PCDHA5: variants seen among roughly 807,000 people sequenced by gnomAD.
PCDHA5 encodes protocadherin alpha-5.
A neutral mutation model predicts 61.6 loss-of-function variants in PCDHA5; 43 were observed. The observed-to-expected ratio is 0.70, with a 90% CI of 0.55 to 0.90. The LOEUF is 0.90. Among genes scored for constraint, PCDHA5 ranks in the 40% least tolerant of loss-of-function variants. The pLI is 0.00. For synonymous variants in PCDHA5, 627 were observed against 543.9 expected, an observed-to-expected ratio of 1.15 and a Z score of -2.13; for missense variants, 1,298 against 1,222.7, an observed-to-expected ratio of 1.06 and a Z score of -0.92.
intron 1 of PCDHA5, chr5:140,928,757 G>A (rs372744198): frequency 6.2e-7 from 1 of 1,613,974 alleles, no homozygotes; most frequent in African/African-American, 1.3e-5. Flanking sequence ...CGTACTGCTC[G>A]CTTAGTTCTT....
rs377181493 is a variant in PCDHA5 at position 140,823,086 on chromosome 5, C to A, written c.1311C>A (p.Thr437=). The A allele has an allele frequency of 1.2e-6, 2 of 1,613,884 alleles. No individual in the cohort carries two copies. The highest frequency in any genetic ancestry group is 2.7e-5 in the African/African-American group (2 of 74,946). Residue 437 remains threonine, a synonymous_variant, in exon 1 of 4, where the codon ACC becomes ACA. Coordinates refer to ENST00000529859, the MANE Select transcript of PCDHA5 (RefSeq NM_018908.3). ...GGGGCTCGCCTTCGCTGTGGGCCAC[C>A]GCCAGCGTGTCTGTGGAAGTGGCCG... ...RDGGSPSLWA[T]ASVSVEVADV... is the part of the protein sequence containing the mutation.
At chr5:140,977,043 T>G (rs2096743110) in intron 1 of PCDHA5, among the ~76,000 whole-genome samples, 1 of 152,226 alleles carries the variant, frequency 6.6e-6, no homozygotes. Flanking sequence ...AGGATGTTGT[T>G]GCTGATGGAC....
chr5:140,884,734 C>A (rs1198575388), intron 1 of PCDHA5: 5 of 1,445,332 alleles, frequency 3.5e-6, no homozygotes, highest in Non-Finnish European at 4.6e-6. Flanking sequence ...TTTAAGACAT[C>A]TTTCCTGCCA....
intron 1 of PCDHA5, chr5:140,863,859 G>A (rs1448688968): frequency 1.7e-5 from 3 of 176,552 alleles, no homozygotes; most frequent in African/African-American, 4.8e-5. Flanking sequence ...AAATTAGCTG[G>A]GTGTGGTGGT....
At chr5:140,932,287 T>C (rs1259585245) in intron 1 of PCDHA5, among the ~76,000 whole-genome samples, 2 of 151,896 alleles carry the variant, frequency 1.3e-5, no homozygotes, top group Admixed American at 6.6e-5. Context: ...AAAAACTGCA[T>C]TGACAATTTT....
chr5:141,005,475 G>A (rs1011400158), intron 3 of PCDHA5, among the ~76,000 whole-genome samples: 8 of 151,670 alleles, frequency 5.3e-5, no homozygotes, highest in African/African-American at 1.9e-4. Flanking sequence ...AGGCCGAGAC[G>A]GGCGGATCAT....
At chr5:140,938,907 A>T (rs2092260332) in intron 1 of PCDHA5, among the ~76,000 whole-genome samples, 1 of 152,090 alleles carries the variant, frequency 6.6e-6, no homozygotes, top group Non-Finnish European at 1.5e-5. Context: ...GCACACACAC[A>T]CACGCACAAG....
chr5:140,839,737 C>T (rs1554137559), intron 1 of PCDHA5, among the ~76,000 whole-genome samples: 1 of 151,964 alleles, frequency 6.6e-6, no homozygotes, highest in Non-Finnish European at 1.5e-5. Flanking sequence ...AGAAAATACC[C>T]TTATTTGCCT....
intron 1 of PCDHA5, among the ~76,000 whole-genome samples, chr5:140,936,741 C>T (rs1234099505): frequency 3.3e-5 from 5 of 152,138 alleles, no homozygotes; most frequent in African/African-American, 1.2e-4. Flanking sequence ...AGTAACTTTT[C>T]ATTTGTATTG....
rs1451807345 is a variant in PCDHA5, at chr5:140,860,140, T to A, written c.2352+36013T>A. 3 of 150,428 alleles carry A rather than the reference T, an allele frequency of 2.0e-5. No homozygotes were observed. The South Asian group carries it at 6.2e-4, about 31-fold the overall frequency. 9.3% of individuals were successfully genotyped at this position (150,428 alleles called of 1,614,324 possible). On this transcript the variant is annotated intron_variant, in intron 1 of 3. Transcript: ENST00000529859. ...CTTGTACTGTGTGTGTGTGTATATA[T>A]ATGTATATATGTGTATATATATATG...
intron 1 of PCDHA5, chr5:140,877,239 C>T (rs2056959197): frequency 1.9e-6 from 3 of 1,613,668 alleles, no homozygotes; most frequent in Middle Eastern, 1.7e-4. Context: ...GTGCGGGCCA[C>T]GTGGTGGCGA....
In PCDHA5 at chr5:140,882,915, A is replaced by G. The variant is rs374032403; in HGVS notation, c.2352+58788A>G. The G allele has an allele frequency of 9.7e-5, 156 of 1,614,110 alleles. No individual in the cohort carries two copies. Among genetic ancestry groups the G allele is most frequent in the Non-Finnish European group, 1.2e-4 (140 of 1,180,046 alleles). ...CATAGTTTATTACTGACAGCCAGTG[A>G]TGGAGGTAAACCCGAGCTGACTGGC... is the stretch of plus-strand genomic sequence containing the variant. On this transcript the variant is annotated intron_variant, in intron 1 of 3. Transcript: ENST00000529859.
chr5:140,931,147 A>G (rs1469532498), intron 1 of PCDHA5, among the ~76,000 whole-genome samples: 1 of 152,206 alleles, frequency 6.6e-6, no homozygotes, highest in Non-Finnish European at 1.5e-5. Context: ...AGTGGATACT[A>G]TTTAATAGAA....
chr5:140,886,076 A>C (rs1554182342), intron 1 of PCDHA5, among the ~76,000 whole-genome samples: 3 of 152,198 alleles, frequency 2.0e-5, no homozygotes, highest in African/African-American at 7.2e-5. Flanking sequence ...GGGCCATACC[A>C]CAACCTGGAT....
intron 3 of PCDHA5, chr5:140,988,797 AT>A (rs1481469131): frequency 2.0e-5 from 3 of 152,116 alleles, no homozygotes; most frequent in African/African-American, 7.2e-5. Context: ...TAATAGAAGA[AT>A]TTCTTCCGTA....
chr5:140,862,341 T>G, intron 1 of PCDHA5: 1 of 331,140 alleles, frequency 3.0e-6, no homozygotes, highest in Non-Finnish European at 6.0e-6. Flanking sequence ...GACCCTAACT[T>G]CAGTGCCAAG....
In PCDHA5 at chr5:140,886,468, T is replaced by C. The variant is rs138596929; in HGVS notation, c.2352+62341T>C. The stretch of plus-strand genomic sequence containing the variant: ...TAATTTTGTCATATATAAATGTTTT[T>C]AAAATGTATGAATTAAAATATATCT... On this transcript the variant is annotated intron_variant, in intron 1 of 3. Coordinates refer to ENST00000529859, the MANE Select transcript of PCDHA5 (RefSeq NM_018908.3). Among the ~76,000 whole-genome samples, 1,063 of 152,318 alleles carry C rather than the reference T, an allele frequency of 7.0e-3. 10 individuals carry two copies. Among genetic ancestry groups the C allele is most frequent in the Non-Finnish European group, 0.012 (787 of 68,024 alleles).
chr5:140,835,734 A>T lies in PCDHA5; in HGVS notation c.2352+11607A>T, dbSNP rs1554135223. 1.9e-6 allele frequency: 3 copies of T among 1,613,614 alleles called. No individual in the cohort carries two copies. In the African/African-American group the frequency reaches 4.0e-5, roughly 22 times the overall value. On this transcript the variant is annotated intron_variant, in intron 1 of 3. Coordinates refer to ENST00000529859, the MANE Select transcript of PCDHA5 (RefSeq NM_018908.3). ...CGTGGAGGTGGCCGACGTGAACGAC[A>T]ACGCCCCGGCGTTCGCGCAGCCCGA... is the stretch of plus-strand genomic sequence containing the variant.
Position 141,009,742 on chromosome 5 carries a change from C to A in PCDHA5, c.2616C>A (p.Asp872Glu). 6.2e-7 allele frequency: 1 copy of A among 1,614,160 alleles called. No individual in the cohort carries two copies. Among genetic ancestry groups the A allele is most frequent in the Non-Finnish European group, 8.5e-7 (1 of 1,180,038 alleles). The part of the protein sequence containing the change: ...PKQSGPGELP[D>E]KFIIPGSPAI... ...AATCCGGTCCCGGTGAGTTGCCCGA[C>A]AAATTCATTATCCCAGGATCTCCTG... is the stretch of plus-strand genomic sequence containing the variant. The change falls in exon 4 of 4, where the codon GAC becomes GAA. Residue 872 changes from aspartate to glutamate, a missense_variant. By Grantham distance (45) the Asp-to-Glu change is conservative. Coordinates refer to ENST00000529859, the MANE Select transcript of PCDHA5 (RefSeq NM_018908.3).
Sources: allele counts gnomAD v4.1 joint callset (sites outside exome capture counted in the v4.1 genomes callset), GRCh38; gene constraint gnomAD v4.1.1; transcripts MANE v1.5; gene names NCBI Gene and HGNC (gene_info 2026-07-23, HGNC 2026-07-21).